Variants in ACACA observed in about 807,000 individuals in gnomAD.
ACACA encodes the protein acetyl-CoA carboxylase alpha.
In ACACA, 103 loss-of-function variants were observed where a neutral mutation model predicts 296.1. The ratio of observed to expected loss-of-function variants is 0.35; its 90% CI spans 0.30 to 0.41. The LOEUF (loss-of-function observed/expected upper bound fraction) is 0.41, where lower values mean the gene tolerates loss of function less well. Among genes scored for constraint, ACACA ranks in the 10% least tolerant of loss-of-function variants. ACACA has a pLI of 1.00. For synonymous variants in ACACA, 953 were observed against 1,038.6 expected, an observed-to-expected ratio of 0.92 and a Z score of 1.58; for missense variants, 1,554 against 2,989.7, an observed-to-expected ratio of 0.52 and a Z score of 11.20.
chr17:37,301,515 C>T, intron 3 of ACACA: 2 of 354,060 alleles, frequency 5.6e-6, no homozygotes, highest in Non-Finnish European at 7.9e-6. Flanking sequence ...CTGAGTTATA[C>T]TGCAGCACAC....
intron 45 of ACACA, among the ~76,000 whole-genome samples, chr17:37,139,299 A>G (rs542779303): frequency 5.3e-5 from 8 of 152,144 alleles, no homozygotes; most frequent in African/African-American, 1.9e-4. Context: ...CAGTGTAGAG[A>G]CCCTACATGC....
intron 39 of ACACA, among the ~76,000 whole-genome samples, chr17:37,187,344 C>A (rs2077576545): frequency 6.6e-6 from 1 of 152,164 alleles, no homozygotes; most frequent in Non-Finnish European, 1.5e-5. Context: ...TAGATAAAAA[C>A]AAGAGACACA....
At chr17:37,388,916 C>T (rs2050669688) in intron 1 of ACACA, 7 of 1,264,368 alleles carry the variant, frequency 5.5e-6, no homozygotes, top group African/African-American at 1.5e-5. Flanking sequence ...GTGCCACTCA[C>T]ACTCACTAGC....
intron 1 of ACACA, among the ~76,000 whole-genome samples, chr17:37,382,357 G>T (rs971467830): frequency 6.9e-6 from 1 of 145,540 alleles, no homozygotes; most frequent in Admixed American, 6.9e-5. Context: ...TTTTCATATA[G>T]TTTTTTTTTT....
At chr17:37,180,644 G>C (rs1004319352) in intron 40 of ACACA, among the ~76,000 whole-genome samples, 3 of 152,090 alleles carry the variant, frequency 2.0e-5, no homozygotes, top group Non-Finnish European at 2.9e-5. Context: ...TTTTCATATA[G>C]AGGCTGAGAT....
chr17:37,271,880 G>A (rs917389175), intron 9 of ACACA, among the ~76,000 whole-genome samples: 2 of 152,208 alleles, frequency 1.3e-5, no homozygotes, highest in African/African-American at 2.4e-5. Flanking sequence ...GCTGCGGCAC[G>A]AGAATTGCTT....
chr17:37,366,121 C>T (rs1273629232), intron 1 of ACACA, among the ~76,000 whole-genome samples: 1 of 152,248 alleles, frequency 6.6e-6, no homozygotes, highest in East Asian at 1.9e-4. Context: ...CCTAGCCATC[C>T]CTGACTTCAC....
At chr17:37,186,981 T>C (rs927889460) in intron 39 of ACACA, among the ~76,000 whole-genome samples, 16 of 152,178 alleles carry the variant, frequency 1.1e-4, no homozygotes, top group Non-Finnish European at 1.9e-4. Context: ...ATCTTACTTT[T>C]CACAAGAATA....
intron 1 of ACACA, among the ~76,000 whole-genome samples, chr17:37,384,706 G>T (rs2147767682): frequency 6.6e-6 from 1 of 152,076 alleles, no homozygotes; most frequent in Middle Eastern, 3.4e-3. Context: ...TTTTTCTTTT[G>T]AACTTGTTGA....
chr17:37,268,471 A>T (rs1022868743), intron 10 of ACACA, among the ~76,000 whole-genome samples: 3 of 152,010 alleles, frequency 2.0e-5, no homozygotes, highest in African/African-American at 7.2e-5. Context: ...AAAGATCCTA[A>T]CCTAAAATGT....
chr17:37,316,712 A>C (rs928206919), intron 3 of ACACA, among the ~76,000 whole-genome samples: 1 of 152,234 alleles, frequency 6.6e-6, no homozygotes, highest in Non-Finnish European at 1.5e-5. Context: ...TCCAAAAGAA[A>C]GGAAATCAAC....
intron 3 of ACACA, among the ~76,000 whole-genome samples, chr17:37,323,906 G>A (rs1246372791): frequency 6.6e-6 from 1 of 152,154 alleles, no homozygotes; most frequent in Non-Finnish European, 1.5e-5. Context: ...CAACTAGATG[G>A]CTCTGTTATA....
At chr17:37,144,348 G>A (rs549796901) in intron 45 of ACACA, 53 of 493,362 alleles carry the variant, frequency 1.1e-4, no homozygotes, top group African/African-American at 8.0e-4. Flanking sequence ...TCTGGCTCTC[G>A]CTTGCCCCGG....
At chr17:37,394,303 C>T (rs1466746809) in intron 1 of ACACA, among the ~76,000 whole-genome samples, 2 of 151,796 alleles carry the variant, frequency 1.3e-5, no homozygotes, top group Admixed American at 6.6e-5. Context: ...CTCTGCTTCC[C>T]GGGTTCAAAC....
chr17:37,260,744 G>GGAAAA (rs1346932070), intron 11 of ACACA, among the ~76,000 whole-genome samples: 9 of 151,706 alleles, frequency 5.9e-5, no homozygotes, highest in Admixed American at 2.0e-4. Flanking sequence ...AGAAAAGAAA[G>GGAAAA]GAAAAGAAAA....
chr17:37,191,471 T>C (rs1372155738), intron 37 of ACACA, among the ~76,000 whole-genome samples, 196 bp from the exon 38 acceptor site: 2 of 152,236 alleles, frequency 1.3e-5, no homozygotes, highest in South Asian at 4.1e-4. Context: ...AGAGTCCATG[T>C]CAGCCCTTCC....
At position 37,169,052 on chromosome 17, in the gene ACACA, C is replaced by T. The variant is rs190015282; in HGVS notation, c.5080-7002G>A. ...TTACAAACATATGTACATAAAAGGACGTTTGCACTGATAGGCAGGGAAGGT... is the reference window on the plus strand; with the variant it reads ...TTACAAACATATGTACATAAAAGGATGTTTGCACTGATAGGCAGGGAAGGT... On this transcript the variant is annotated intron_variant, in intron 41 of 55. Transcript: ENST00000616317. Among the ~76,000 whole-genome samples, 28 of 152,248 alleles carry T rather than the reference C, an allele frequency of 1.8e-4. No homozygotes were observed. The East Asian group carries it at 5.0e-3, about 27-fold the overall frequency.
intron 1 of ACACA, among the ~76,000 whole-genome samples, chr17:37,359,569 G>C (rs1480306377): frequency 6.6e-6 from 1 of 152,138 alleles, no homozygotes; most frequent in Non-Finnish European, 1.5e-5. Context: ...CATGCGCCTC[G>C]CATCAGGGAC....
intron 55 of ACACA, among the ~76,000 whole-genome samples, 194 bp downstream of exon 55, chr17:37,088,744 T>C (rs779099154): frequency 6.6e-6 from 1 of 152,168 alleles, no homozygotes; most frequent in Non-Finnish European, 1.5e-5. Flanking sequence ...TAAGTGCCCC[T>C]GGGGAGCAGT....
Sources: allele counts gnomAD v4.1 joint callset (sites outside exome capture counted in the v4.1 genomes callset), GRCh38; gene constraint gnomAD v4.1.1; transcripts MANE v1.5; gene names NCBI Gene and HGNC (gene_info 2026-07-23, HGNC 2026-07-21).